The following ZNRF2 variants were observed in gnomAD, a reference collection of about 807,000 sequenced individuals.
ZNRF2 encodes E3 ubiquitin-protein ligase ZNRF2.
ZNRF2 carries 16 observed loss-of-function variants against 20.4 expected under a neutral mutation model. The ratio of observed to expected loss-of-function variants is 0.79; its 90% CI spans 0.53 to 1.19. The LOEUF (loss-of-function observed/expected upper bound fraction) is 1.19, where lower values mean the gene tolerates loss of function less well. Ranked by LOEUF, ZNRF2 falls within the 50% of genes most tolerant of loss-of-function variation. The pLI, the probability that ZNRF2 is intolerant of heterozygous loss-of-function variation, is 0.00. For synonymous variants in ZNRF2, 178 were observed against 144.9 expected (o/e 1.23, Z -1.64); for missense variants, 363 against 332.4 (o/e 1.09, Z -0.72).
At position 30,284,978 on chromosome 7, in the gene ZNRF2, CG is replaced by C; in HGVS notation, c.-375del. The C allele has an allele frequency of 6.0e-6, 2 of 333,764 alleles. No homozygotes were observed. Among genetic ancestry groups the C allele is most frequent in the Non-Finnish European group, 6.0e-6 (1 of 167,734 alleles). The allele number at this position is 333,764 out of a possible 1,614,324, so 20.7% of individuals were successfully genotyped here. On this transcript the variant is annotated 5_prime_UTR_variant, in exon 1 of 5. It removes the in-frame stop codon of an upstream open reading frame in the 5' UTR. Transcript: ENST00000323037. The stretch of plus-strand genomic sequence containing the variant: ...GCCCGAGAGGAGGCGGTGCCGAGAT[CG>C]GGGGCGCCGAGCGCGGCAGCAGAGA...
chr7:30,342,912 T>C (rs537428381), intron 2 of ZNRF2, among the ~76,000 whole-genome samples: 157 of 152,274 alleles, frequency 1.0e-3, no homozygotes, highest in African/African-American at 3.5e-3. Flanking sequence ...CTGGTTTTGC[T>C]ATTTGTTTCC....
intron 3 of ZNRF2, among the ~76,000 whole-genome samples, chr7:30,361,171 G>T (rs901195881): frequency 2.0e-5 from 3 of 152,204 alleles, no homozygotes; most frequent in African/African-American, 7.2e-5. Context: ...TTGATGCTCA[G>T]AATTTTGTTT....
At chr7:30,296,707 C>T (rs1396877772) in intron 1 of ZNRF2, among the ~76,000 whole-genome samples, 35 of 152,092 alleles carry the variant, frequency 2.3e-4, no homozygotes, top group Non-Finnish European at 2.9e-5. Flanking sequence ...ACCACCTTAC[C>T]GTACGCAGAG....
At chr7:30,340,613 T>G (rs1445360793) in intron 2 of ZNRF2, among the ~76,000 whole-genome samples, 1 of 152,190 alleles carries the variant, frequency 6.6e-6, no homozygotes, top group African/African-American at 2.4e-5. Context: ...GGATAAGCTT[T>G]TTGATGTGCT....
At chr7:30,302,105 C>T (rs1340665735) in intron 1 of ZNRF2, among the ~76,000 whole-genome samples, 3 of 152,190 alleles carry the variant, frequency 2.0e-5, no homozygotes, top group Admixed American at 6.5e-5. Flanking sequence ...TTTGACATTC[C>T]TGCTTTTGCT....
intron 2 of ZNRF2, among the ~76,000 whole-genome samples, chr7:30,352,815 A>G (rs1799979039): frequency 6.6e-6 from 1 of 152,054 alleles, no homozygotes; most frequent in Admixed American, 6.6e-5. Flanking sequence ...TAGATTTTTA[A>G]TCTTTTCCCA....
intron 1 of ZNRF2, among the ~76,000 whole-genome samples, chr7:30,286,492 T>A (rs1253527391): frequency 6.6e-6 from 1 of 152,208 alleles, no homozygotes; most frequent in African/African-American, 2.4e-5. Context: ...AGTAAAAATT[T>A]TGCACATCTG....
chr7:30,332,182 A>C (rs1387605977), intron 2 of ZNRF2, among the ~76,000 whole-genome samples: 2 of 152,170 alleles, frequency 1.3e-5, no homozygotes, highest in Non-Finnish European at 2.9e-5. Flanking sequence ...CTTGTAAAAA[A>C]ATGAGACTAG....
chr7:30,359,053 A>G (rs73687829), intron 3 of ZNRF2, among the ~76,000 whole-genome samples: 3,471 of 152,304 alleles, frequency 0.023, 135 homozygotes, highest in African/African-American at 0.078. Context: ...GAACTATTCA[A>G]TAAATGGTGC....
At chr7:30,355,122 T>C (rs1393528113) in intron 2 of ZNRF2, among the ~76,000 whole-genome samples, 1 of 152,136 alleles carries the variant, frequency 6.6e-6, no homozygotes, top group Non-Finnish European at 1.5e-5. Flanking sequence ...GGAGTAGGCT[T>C]GCCATTGTCA....
intron 1 of ZNRF2, among the ~76,000 whole-genome samples, chr7:30,321,771 T>C (rs73309210): frequency 2.0e-5 from 3 of 152,348 alleles, no homozygotes; most frequent in African/African-American, 7.2e-5. Context: ...AATTCTTTAG[T>C]TGATGCTTAA....
intron 1 of ZNRF2, among the ~76,000 whole-genome samples, chr7:30,315,728 G>A (rs962025285): frequency 8.0e-5 from 4 of 50,194 alleles, no homozygotes; most frequent in African/African-American, 1.1e-4. Flanking sequence ...AAGGTGGGGC[G>A]GGGGGGGGGG....
intron 3 of ZNRF2, among the ~76,000 whole-genome samples, chr7:30,359,271 A>G (rs1045830408): frequency 6.6e-6 from 1 of 152,220 alleles, no homozygotes; most frequent in South Asian, 2.1e-4. Flanking sequence ...TAATTTCAAG[A>G]TTGATAAATT....
chr7:30,352,971 C>G (rs952927941), intron 2 of ZNRF2, among the ~76,000 whole-genome samples: 2 of 152,070 alleles, frequency 1.3e-5, no homozygotes, highest in Non-Finnish European at 2.9e-5. Flanking sequence ...AAACTTTCCT[C>G]TGAATGAAAG....
At chr7:30,307,507 A>G (rs891913583) in intron 1 of ZNRF2, among the ~76,000 whole-genome samples, 2 of 151,308 alleles carry the variant, frequency 1.3e-5, no homozygotes, top group South Asian at 4.2e-4. Flanking sequence ...CATAATAACT[A>G]GTATCTTTGG....
intron 1 of ZNRF2, among the ~76,000 whole-genome samples, chr7:30,289,178 T>A (rs979004257): frequency 6.6e-6 from 1 of 152,250 alleles, no homozygotes; most frequent in Non-Finnish European, 1.5e-5. Flanking sequence ...TGGGTGTGGC[T>A]TGCTCATGAG....
At chr7:30,339,578 G>A (rs1263928623) in intron 2 of ZNRF2, among the ~76,000 whole-genome samples, 1 of 152,146 alleles carries the variant, frequency 6.6e-6, no homozygotes, top group Non-Finnish European at 1.5e-5. Context: ...GGTTGTAGAT[G>A]TGTGGTGTTA....
At position 30,285,738 on chromosome 7, in the gene ZNRF2, C is replaced by T; in HGVS notation, c.381C>T (p.Gly127=). ...GCAGCCCTGAGGACGGCGGCGGCGG[C>T]CGGGACCGGCCGGTGGGCGGGAGCC... ...VHSSPEDGGG[G]RDRPVGGSPG... Residue 127 remains glycine (G), a synonymous_variant, in exon 1 of 5, where the codon GGC becomes GGT. Transcript: ENST00000323037. The T allele has an allele frequency of 6.8e-7, 1 of 1,474,320 alleles. No individual in the cohort carries two copies. The highest frequency in any genetic ancestry group is 1.3e-5 in the South Asian group (1 of 74,820). The allele number at this position is 1,474,320 out of a possible 1,614,324, so 91.3% of individuals were successfully genotyped here.
intron 3 of ZNRF2, among the ~76,000 whole-genome samples, chr7:30,359,227 A>G (rs1276422395): frequency 6.6e-6 from 1 of 152,180 alleles, no homozygotes; most frequent in African/African-American, 2.4e-5. Context: ...GTAGAGAATT[A>G]TTTTTTGTCT....
Sources: gnomAD v4.1 joint callset for allele counts (sites outside exome capture counted in the v4.1 genomes callset) on GRCh38, gnomAD v4.1.1 for gene constraint, MANE v1.5 for transcripts, NCBI Gene and HGNC (gene_info 2026-07-23, HGNC 2026-07-21) for gene names.